NRXN3: variants seen among roughly 807,000 people sequenced by gnomAD.
NRXN3 encodes neurexin 3.
Under a neutral mutation model 137.6 loss-of-function variants are expected in NRXN3, and 32 were observed. The ratio of observed to expected loss-of-function variants is 0.23; its 90% CI spans 0.18 to 0.31. The LOEUF is 0.31. Ranked by LOEUF, NRXN3 falls within the 10% of genes least tolerant of loss-of-function variation. NRXN3 has a pLI of 1.00. For missense variants in NRXN3, 1,574 were observed against 2,062.5 expected (o/e 0.76, Z 4.59); for synonymous variants, 798 against 784.5 (o/e 1.02, Z -0.29).
chr14:78,242,255 A>G (rs1004648435), intron 1 of NRXN3, 136 bp from the exon 2 acceptor site: 33 of 152,346 alleles, frequency 2.2e-4, no homozygotes, highest in African/African-American at 7.7e-4. Context: ...TGTTTGAAGC[A>G]CTAAGCACTG....
intron 1 of NRXN3, 112 bp downstream of exon 1, chr14:78,170,786 C>T (rs2058645758): frequency 6.6e-6 from 1 of 152,122 alleles, no homozygotes; most frequent in Non-Finnish European, 1.5e-5. Flanking sequence ...TTGGGAGCAA[C>T]CAACCTAGAT....
Position 79,157,553 on chromosome 14 carries a change from C to T in NRXN3, c.3262+169412C>T, listed in dbSNP as rs117787646. On this transcript the variant is annotated intron_variant, in intron 15 of 20. Transcript: ENST00000335750. Reference sequence around the variant, plus strand: ...CAGCAAATACTTATCTTGGCATGTCCTGTCATGACATGAGCCAAAAGCTGT... The same window carrying T: ...CAGCAAATACTTATCTTGGCATGTCTTGTCATGACATGAGCCAAAAGCTGT... Among the ~76,000 whole-genome samples, 61 of 151,916 alleles carry T rather than the reference C, an allele frequency of 4.0e-4. No individual in the cohort carries two copies. The East Asian group carries it at 9.7e-3, about 24-fold the overall frequency.
At chr14:79,154,124 C>A (rs1363869657) in intron 15 of NRXN3, among the ~76,000 whole-genome samples, 1 of 151,918 alleles carries the variant, frequency 6.6e-6, no homozygotes, top group Admixed American at 6.6e-5. Flanking sequence ...AGGAATATAA[C>A]CAACCAGGGT....
At chr14:78,957,455 G>T in intron 11 of NRXN3, 94 bp downstream of exon 11, 1 of 1,403,686 alleles carries the variant, frequency 7.1e-7, no homozygotes, top group Non-Finnish European at 9.7e-7. Flanking sequence ...CTTTTATTTT[G>T]CATAGTAGAA....
chr14:79,333,319 G>A (rs1743663249), intron 15 of NRXN3, among the ~76,000 whole-genome samples: 1 of 152,140 alleles, frequency 6.6e-6, no homozygotes, highest in African/African-American at 2.4e-5. Flanking sequence ...AAGGCTCCTG[G>A]TGTGGCTCGT....
At chr14:79,549,375 T>G (rs2097352324) in intron 16 of NRXN3, among the ~76,000 whole-genome samples, 1 of 152,128 alleles carries the variant, frequency 6.6e-6, no homozygotes, top group Admixed American at 6.6e-5. Context: ...TTTGCCTATC[T>G]ATAGAAATGG....
intron 15 of NRXN3, among the ~76,000 whole-genome samples, chr14:79,385,154 C>T (rs996952215): frequency 6.7e-6 from 1 of 150,256 alleles, no homozygotes; most frequent in Non-Finnish European, 1.5e-5. Flanking sequence ...TGGTGTGCTG[C>T]ACCCACTAAC....
At chr14:79,816,643 TC>T (rs2140945988) in intron 20 of NRXN3, among the ~76,000 whole-genome samples, 1 of 152,328 alleles carries the variant, frequency 6.6e-6, no homozygotes, top group Non-Finnish European at 1.5e-5. Flanking sequence ...AGATACATTT[TC>T]TGAGCACATA....
intron 2 of NRXN3, among the ~76,000 whole-genome samples, chr14:78,252,040 G>A (rs982899791): frequency 2.0e-5 from 3 of 152,086 alleles, no homozygotes; most frequent in Non-Finnish European, 2.9e-5. Flanking sequence ...ATGTCTTTGA[G>A]TGATCTATTT....
At chr14:78,617,575 C>G (rs1341976367) in intron 4 of NRXN3, among the ~76,000 whole-genome samples, 1 of 152,108 alleles carries the variant, frequency 6.6e-6, no homozygotes. Context: ...TTTCTTCTCT[C>G]ATCCTTTCCT....
chr14:79,747,329 AAAATTTCATTTCAG>A (rs1383372631), intron 19 of NRXN3, among the ~76,000 whole-genome samples: 84 of 152,188 alleles, frequency 5.5e-4, no homozygotes, highest in Non-Finnish European at 6.9e-4. Context: ...GTGACATGAT[AAAATTTCATTTCAG>A]AAATTTCATT....
intron 4 of NRXN3, among the ~76,000 whole-genome samples, chr14:78,541,915 C>G (rs369512785): frequency 2.0e-5 from 3 of 152,240 alleles, no homozygotes; most frequent in Non-Finnish European, 2.9e-5. Context: ...GAGGTCCACT[C>G]AAGACCATGT....
At chr14:78,962,700 TTTC>T (rs2099410422) in intron 11 of NRXN3, among the ~76,000 whole-genome samples, 2 of 151,356 alleles carry the variant, frequency 1.3e-5, no homozygotes, top group African/African-American at 4.9e-5. Context: ...GCCAATTCTT[TTTC>T]TTTCCTTTTT....
rs115613006 is a variant in NRXN3 at position 78,524,409 on chromosome 14, G to T, written c.758-120711G>T. ...ACACAATCACTGAACCAGAGCCAAG[G>T]TTCCAAAGGGACTATCTGAGATCAT... On this transcript the variant is annotated intron_variant, in intron 4 of 20. Coordinates refer to ENST00000335750, the MANE Select transcript of NRXN3 (RefSeq NM_001330195.2). 7.6e-3 allele frequency among the ~76,000 whole-genome samples: 1,151 copies of T among 151,790 alleles called. 18 individuals carry two copies. Among genetic ancestry groups the T allele is most frequent in the African/African-American group, 0.026 (1,083 of 41,560 alleles).
chr14:78,688,869 G>A (rs189079907), intron 6 of NRXN3, among the ~76,000 whole-genome samples: 72 of 151,744 alleles, frequency 4.7e-4, no homozygotes, highest in East Asian at 2.3e-3. Flanking sequence ...AAGATTGAGC[G>A]CTCACATTAA....
intron 4 of NRXN3, among the ~76,000 whole-genome samples, chr14:78,377,306 G>A (rs1286272230): frequency 6.6e-6 from 1 of 152,166 alleles, no homozygotes; most frequent in Non-Finnish European, 1.5e-5. Context: ...TGTTGCCAGA[G>A]ACAAACAGGG....
chr14:78,320,846 G>T (rs753767709), intron 4 of NRXN3, among the ~76,000 whole-genome samples: 1 of 151,574 alleles, frequency 6.6e-6, no homozygotes, highest in Non-Finnish European at 1.5e-5. Context: ...GGCTGGGTGC[G>T]GTGGCTCATG....
chr14:79,437,119 C>T (rs2095857341), intron 15 of NRXN3, among the ~76,000 whole-genome samples: 1 of 152,078 alleles, frequency 6.6e-6, no homozygotes. Flanking sequence ...TATCTCTTGG[C>T]TCTCCCACCT....
At chr14:78,862,167 G>T (rs886554113) in intron 10 of NRXN3, among the ~76,000 whole-genome samples, 1 of 152,076 alleles carries the variant, frequency 6.6e-6, no homozygotes, top group Admixed American at 6.6e-5. Context: ...GACCTTTCTA[G>T]TTGGTGACTT....
Sources: allele counts gnomAD v4.1 joint callset (sites outside exome capture counted in the v4.1 genomes callset), GRCh38; gene constraint gnomAD v4.1.1; transcripts MANE v1.5; gene names NCBI Gene and HGNC (gene_info 2026-07-23, HGNC 2026-07-21).